Variants in LMNA observed in about 807,000 individuals in gnomAD.
LMNA encodes the protein lamin.
LMNA carries 20 observed loss-of-function variants against 70.4 expected under a neutral mutation model. The observed-to-expected ratio is 0.28, with a 90% confidence interval of 0.20 to 0.41. LMNA has a LOEUF of 0.41. LMNA is among the 10% of genes least tolerant of loss of function. The probability of loss-of-function intolerance (pLI) is 1.00; values close to 1 mark genes in which losing one functional copy is unlikely to be tolerated. For missense variants in LMNA, 652 were observed against 917.2 expected (o/e 0.71, Z 3.73); for synonymous variants, 339 against 372.8 (o/e 0.91, Z 1.04).
At chr1:156,085,212 A>G (rs1037132318) in intron 2 of LMNA, among the ~76,000 whole-genome samples, 3 of 152,206 alleles carry the variant, frequency 2.0e-5, no homozygotes, top group Admixed American at 6.5e-5. Flanking sequence ...TGTGCTGCAG[A>G]TCATGTAGGA....
Position 156,135,679 on chromosome 1 carries a change from A to C in LMNA, c.937-222A>C. On this transcript the variant is annotated intron_variant, in intron 5 of 11. Transcript: ENST00000368300. This position sits in a 1 kb window ranked among gnomAD's most constrained non-coding sequence, Gnocchi z 4.8. Reference sequence around the variant, plus strand: ...ACAGGAGAAAAAGTCTAGCCTCAGAACGAGAGGTTTCAGTTAGACAAGGGG... The same window carrying C: ...ACAGGAGAAAAAGTCTAGCCTCAGACCGAGAGGTTTCAGTTAGACAAGGGG... 7 of 603,556 alleles carry C rather than the reference A, an allele frequency of 1.2e-5. No individual in the cohort carries two copies. In the South Asian group the frequency reaches 1.4e-4, roughly 12 times the overall value. 37.4% of individuals were successfully genotyped at this position (603,556 alleles called of 1,614,324 possible). A position where few individuals can be genotyped will look rare whatever the true frequency, so the allele number is the denominator to read the frequency against.
rs1651957531 is a variant in LMNA, at chr1:156,139,783, A to G, written c.*677A>G. 1 of 1,533,906 alleles carries G rather than the reference A, an allele frequency of 6.5e-7. No homozygotes were observed. Among genetic ancestry groups the G allele is most frequent in the Non-Finnish European group, 8.7e-7 (1 of 1,146,180 alleles). ...TATTTTATTTAGACAAGAGATGGGA[A>G]TGAGGTGGGAGGTGGAAGAAGGGAG... On this transcript the variant is annotated 3_prime_UTR_variant, in exon 12 of 12. Coordinates refer to ENST00000368300, the MANE Select transcript of LMNA (RefSeq NM_170707.4).
chr1:156,120,976 A>G (rs1189716532), intron 1 of LMNA, among the ~76,000 whole-genome samples: 1 of 150,036 alleles, frequency 6.7e-6, no homozygotes, highest in Admixed American at 6.7e-5. Flanking sequence ...TTGAGGATGC[A>G]TGGGCCCTGG....
At chr1:156,090,139 A>G (rs1648643324) in intron 2 of LMNA, among the ~76,000 whole-genome samples, 1 of 152,148 alleles carries the variant, frequency 6.6e-6, no homozygotes, top group Non-Finnish European at 1.5e-5. Flanking sequence ...TGTGCAAGGT[A>G]CTAACGAGAT....
intron 1 of LMNA, among the ~76,000 whole-genome samples, chr1:156,130,098 G>A (rs1173614093): frequency 2.0e-5 from 3 of 152,162 alleles, no homozygotes; most frequent in Non-Finnish European, 4.4e-5. Flanking sequence ...AGTCCCACAT[G>A]TGTAAAAGGG....
At chr1:156,126,662 A>G (rs1650607530) in intron 1 of LMNA, 3 of 1,396,034 alleles carry the variant, frequency 2.1e-6, no homozygotes, top group Non-Finnish European at 3.0e-6. Context: ...GCAAGTGCCA[A>G]CTCTCATTTC....
Position 156,137,854 on chromosome 1 carries a change from T to C in LMNA, c.1698+111T>C. Reference sequence around the variant, plus strand: ...CCAAAAATCTTTTCATTAAAGAATGTTTTGGAACTTTACTCGCTGGCCTGG... The same window carrying C: ...CCAAAAATCTTTTCATTAAAGAATGCTTTGGAACTTTACTCGCTGGCCTGG... On this transcript the variant is annotated intron_variant, in intron 10 of 11. Coordinates refer to ENST00000368300, the MANE Select transcript of LMNA (RefSeq NM_170707.4). This position sits in a 1 kb window ranked among gnomAD's most constrained non-coding sequence, Gnocchi z 4.6. 10 of 1,532,474 alleles carry C rather than the reference T, an allele frequency of 6.5e-6. No homozygotes were observed. Among genetic ancestry groups the C allele is most frequent in the African/African-American group, 1.4e-5 (1 of 72,936 alleles). 94.9% of individuals were successfully genotyped at this position (1,532,474 alleles called of 1,614,324 possible).
chr1:156,087,750 G>A (rs1038038678), intron 2 of LMNA, among the ~76,000 whole-genome samples: 8 of 150,794 alleles, frequency 5.3e-5, no homozygotes, highest in Non-Finnish European at 7.4e-5. Flanking sequence ...ATGAGATCTC[G>A]CTATGTTGCC....
In LMNA at chr1:156,138,841, G is replaced by C; in HGVS notation, c.1968+84G>C. The C allele has an allele frequency of 1.3e-6, 2 of 1,554,656 alleles. No individual in the cohort carries two copies. Among genetic ancestry groups the C allele is most frequent in the South Asian group, 1.1e-5 (1 of 89,044 alleles). ...TAGGACGAGGTGGCCTTGCAGGGGG[G>C]AGAGCCTGCCTTCTCTTCCGCAGCC... On this transcript the variant is annotated intron_variant, in intron 11 of 11. Coordinates refer to ENST00000368300, the MANE Select transcript of LMNA (RefSeq NM_170707.4). This position sits in a 1 kb window ranked among gnomAD's most constrained non-coding sequence, Gnocchi z 5.5.
intron 1 of LMNA, chr1:156,126,784 G>A (rs756101473): frequency 1.1e-5 from 18 of 1,600,996 alleles, no homozygotes; most frequent in East Asian, 1.1e-4. Context: ...AGCCCTTCTC[G>A]CCTCAAGAGG....
chr1:156,088,853 C>T (rs1648583742), intron 2 of LMNA, among the ~76,000 whole-genome samples: 1 of 152,114 alleles, frequency 6.6e-6, no homozygotes, highest in South Asian at 2.1e-4. Context: ...GGGGTTTCAC[C>T]GTGTTAGCCA....
At chr1:156,113,705 T>C (rs2485661), upstream of LMNA, among the ~76,000 whole-genome samples, 133,429 of 152,218 alleles carry the variant, frequency 0.88, 59,676 homozygotes, top group East Asian at 1. Context: ...CAGCCCTGCT[T>C]CCCCTTTCAG....
At position 156,134,986 on chromosome 1, in the gene LMNA, T is replaced by C; in HGVS notation, c.810+11T>C. Reference sequence around the variant, plus strand: ...ACTTATTCTGCCAAGGTGCTTGCTCTCGATTGGTTCCCTCACTGCCTCTGC... The same window carrying C: ...ACTTATTCTGCCAAGGTGCTTGCTCCCGATTGGTTCCCTCACTGCCTCTGC... On this transcript the variant is annotated intron_variant, in intron 4 of 11. Coordinates refer to ENST00000368300, the MANE Select transcript of LMNA (RefSeq NM_170707.4). This position sits in a 1 kb window ranked among gnomAD's most constrained non-coding sequence, Gnocchi z 5.3. 1 of 1,614,132 alleles carries C rather than the reference T, an allele frequency of 6.2e-7. No homozygotes were observed. Among genetic ancestry groups the C allele is most frequent in the Non-Finnish European group, 8.5e-7 (1 of 1,180,028 alleles).
chr1:156,135,146 T>G lies in LMNA; in HGVS notation c.811-41T>G. 1 of 1,613,824 alleles carries G rather than the reference T, an allele frequency of 6.2e-7. No homozygotes were observed. Among genetic ancestry groups the G allele is most frequent in the Admixed American group, 1.7e-5 (1 of 60,032 alleles). ...CAACTCAGGCCTGTGCCTCCACCCC[T>G]CCCAGTCACCACAGTCCTAACCCTT... On this transcript the variant is annotated intron_variant, in intron 4 of 11. Coordinates refer to ENST00000368300, the MANE Select transcript of LMNA (RefSeq NM_170707.4). This position sits in a 1 kb window ranked among gnomAD's most constrained non-coding sequence, Gnocchi z 4.8.
intron 2 of LMNA, among the ~76,000 whole-genome samples, chr1:156,085,003 G>T (rs1648425420): frequency 6.6e-6 from 1 of 152,220 alleles, no homozygotes; most frequent in Non-Finnish European, 1.5e-5. Flanking sequence ...GCGAGGCAGG[G>T]TCCCTACTGG....
chr1:156,087,313 G>T (rs184968801), intron 2 of LMNA, among the ~76,000 whole-genome samples: 1 of 150,166 alleles, frequency 6.7e-6, no homozygotes. Context: ...GCGCCATCTC[G>T]GCTCACTGCA....
chr1:156,119,123 CT>C (rs764508337), intron 1 of LMNA, among the ~76,000 whole-genome samples: 553 of 141,164 alleles, frequency 3.9e-3, no homozygotes, highest in South Asian at 0.013. Context: ...TTTTTTTTTT[CT>C]TTTTTTTTTT....
chr1:156,117,101 TTAA>T (rs1649882285), intron 1 of LMNA, among the ~76,000 whole-genome samples: 1 of 141,978 alleles, frequency 7.0e-6, no homozygotes, highest in Non-Finnish European at 1.5e-5. Context: ...TTTTTTTTTT[TTAA>T]TTTTTAGTAG....
At chr1:156,128,137 A>G (rs1418607399) in intron 1 of LMNA, among the ~76,000 whole-genome samples, 1 of 152,162 alleles carries the variant, frequency 6.6e-6, no homozygotes, top group East Asian at 1.9e-4. Flanking sequence ...CACCTATCGC[A>G]TAGGGTAGCT....
Sources: gnomAD v4.1 joint callset for allele counts (sites outside exome capture counted in the v4.1 genomes callset) on GRCh38, gnomAD v4.1.1 for gene constraint, Gnocchi (gnomAD v3.1) non-coding constraint, MANE v1.5 for transcripts, NCBI Gene and HGNC (gene_info 2026-07-23, HGNC 2026-07-21) for gene names.